PCDH15: variants seen among roughly 807,000 people sequenced by gnomAD.
The protein encoded by PCDH15 is protocadherin-15.
In PCDH15, 129 loss-of-function variants were observed where a neutral mutation model predicts 178.5. The observed-to-expected ratio is 0.72, with a 90% CI of 0.63 to 0.84. PCDH15 has a LOEUF of 0.84. PCDH15 is among the 40% of genes least tolerant of loss of function. The pLI is 0.00. For missense variants in PCDH15, 2,230 were observed against 2,099.9 expected, an observed-to-expected ratio of 1.06 and a Z score of -1.21; for synonymous variants, 800 against 732.0, an observed-to-expected ratio of 1.09 and a Z score of -1.50.
intron 3 of PCDH15, among the ~76,000 whole-genome samples, chr10:54,433,995 G>A (rs1016385718): frequency 5.9e-5 from 9 of 152,276 alleles, no homozygotes; most frequent in African/African-American, 1.7e-4. Flanking sequence ...AGACGTGGAC[G>A]TGGAAGACAG....
intron 2 of PCDH15, among the ~76,000 whole-genome samples, chr10:54,643,758 G>A (rs1169437588): frequency 7.1e-6 from 1 of 141,492 alleles, no homozygotes; most frequent in Non-Finnish European, 1.5e-5. Flanking sequence ...TACTAGATGG[G>A]TTTCAGTTAT....
At chr10:54,299,861 C>T (rs1022316830) in intron 8 of PCDH15, among the ~76,000 whole-genome samples, 2 of 152,114 alleles carry the variant, frequency 1.3e-5, no homozygotes, top group Admixed American at 6.5e-5. Flanking sequence ...CTATCTATAC[C>T]AATTCTAAGT....
chr10:55,082,614 A>G (rs998750330), intron 2 of PCDH15, among the ~76,000 whole-genome samples: 4 of 151,160 alleles, frequency 2.6e-5, no homozygotes, highest in African/African-American at 9.7e-5. Flanking sequence ...ATATCAACAA[A>G]AAGAAAAGTT....
At chr10:54,617,067 T>C (rs183781767) in intron 2 of PCDH15, among the ~76,000 whole-genome samples, 3 of 111,086 alleles carry the variant, frequency 2.7e-5, no homozygotes, top group African/African-American at 8.2e-5. Flanking sequence ...TTTATTTATT[T>C]ATTTTTTTAA....
intron 1 of PCDH15, among the ~76,000 whole-genome samples, chr10:54,799,380 T>C (rs1952400690): frequency 4.6e-5 from 7 of 152,134 alleles, no homozygotes; most frequent in Admixed American, 4.6e-4. Flanking sequence ...TAATTATTAG[T>C]GTTTTTTAAA....
chr10:54,588,591 T>C (rs1290341340), intron 2 of PCDH15, among the ~76,000 whole-genome samples: 1 of 152,146 alleles, frequency 6.6e-6, no homozygotes, highest in African/African-American at 2.4e-5. Flanking sequence ...TGTTATTGTT[T>C]TCTTGAGACA....
intron 18 of PCDH15, among the ~76,000 whole-genome samples, chr10:54,059,373 C>T (rs1264283785): frequency 2.0e-5 from 3 of 152,130 alleles, no homozygotes; most frequent in African/African-American, 7.2e-5. Context: ...AATAATTATG[C>T]ATAACCCCAA....
At chr10:55,338,689 A>T (rs1355484494) in intron 2 of PCDH15, among the ~76,000 whole-genome samples, 2 of 152,050 alleles carry the variant, frequency 1.3e-5, no homozygotes, top group African/African-American at 4.8e-5. Context: ...AATCGCTTGG[A>T]CCCAGGAGGG....
At chr10:53,988,548 G>A (rs2091261956) in intron 21 of PCDH15, among the ~76,000 whole-genome samples, 1 of 152,134 alleles carries the variant, frequency 6.6e-6, no homozygotes, top group Non-Finnish European at 1.5e-5. Context: ...TGAACGAATT[G>A]CAAAGAGGAC....
intron 6 of PCDH15, among the ~76,000 whole-genome samples, chr10:54,341,781 G>C (rs1178135174): frequency 6.6e-6 from 1 of 152,160 alleles, no homozygotes; most frequent in Non-Finnish European, 1.5e-5. Flanking sequence ...TCAGATGGAG[G>C]TGAGGAACTT....
intron 2 of PCDH15, among the ~76,000 whole-genome samples, chr10:54,958,191 G>T (rs997914680): frequency 1.3e-5 from 2 of 151,574 alleles, no homozygotes; most frequent in African/African-American, 4.8e-5. Flanking sequence ...CATTTCTTTG[G>T]TATCTTCCAT....
chr10:53,925,067 G>A (rs1436848273), intron 25 of PCDH15, among the ~76,000 whole-genome samples: 3 of 152,130 alleles, frequency 2.0e-5, no homozygotes, highest in East Asian at 3.9e-4. Flanking sequence ...CCACATGAGG[G>A]AATAAAAGCA....
In PCDH15 at chr10:53,951,961, T is replaced by TACA. The variant is rs542197790; in HGVS notation, c.3122+7770_3122+7771insTGT. Reference sequence around the variant, plus strand: ...CAGATGCCAGCTCCATACAAGCCAGTGGCTGGATCTGGTGCACTGCAAGCA... The same window carrying TACA: ...CAGATGCCAGCTCCATACAAGCCAGTACAGGCTGGATCTGGTGCACTGCAAGCA... On this transcript the variant is annotated intron_variant, in intron 23 of 37. Transcript: ENST00000644397. 3.5e-3 allele frequency among the ~76,000 whole-genome samples: 532 copies of TACA among 152,294 alleles called. 1 individual carries two copies. The highest frequency in any genetic ancestry group is 5.5e-3 in the Non-Finnish European group (374 of 68,014).
At chr10:53,913,958 T>A (rs564904213) in intron 25 of PCDH15, among the ~76,000 whole-genome samples, 2 of 151,788 alleles carry the variant, frequency 1.3e-5, no homozygotes, top group Non-Finnish European at 2.9e-5. Flanking sequence ...GCAAAGGATA[T>A]GAACAGACAC....
At chr10:55,298,655 C>G (rs1313237882) in intron 1 of PCDH15, among the ~76,000 whole-genome samples, 1 of 151,834 alleles carries the variant, frequency 6.6e-6, no homozygotes, top group Non-Finnish European at 1.5e-5. Flanking sequence ...GATCTGGGCT[C>G]ACTGCAACCT....
intron 1 of PCDH15, among the ~76,000 whole-genome samples, chr10:55,310,128 C>A (rs1025711951): frequency 2.6e-5 from 4 of 152,106 alleles, no homozygotes; most frequent in Admixed American, 6.6e-5. Context: ...TTCTTCTCAT[C>A]GTTTAATTCA....
intron 1 of PCDH15, among the ~76,000 whole-genome samples, chr10:54,747,966 C>T (rs1303533006): frequency 2.6e-5 from 4 of 152,042 alleles, no homozygotes; most frequent in Admixed American, 6.6e-5. Context: ...CCACCACGCC[C>T]GGCTAATTTT....
intron 2 of PCDH15, among the ~76,000 whole-genome samples, chr10:54,559,552 A>C (rs2087776562): frequency 1.3e-5 from 2 of 152,066 alleles, no homozygotes; most frequent in African/African-American, 4.8e-5. Context: ...ATAAACAACT[A>C]CTGAGACCAT....
chr10:55,049,317 C>T (rs1239416335), intron 2 of PCDH15, among the ~76,000 whole-genome samples: 3 of 151,848 alleles, frequency 2.0e-5, no homozygotes, highest in East Asian at 3.9e-4. Context: ...CAGCATGCAA[C>T]GAACACTTCA....
Sources: gnomAD v4.1 joint callset for allele counts (sites outside exome capture counted in the v4.1 genomes callset) on GRCh38, gnomAD v4.1.1 for gene constraint, MANE v1.5 for transcripts, NCBI Gene and HGNC (gene_info 2026-07-23, HGNC 2026-07-21) for gene names.